Variants in WWOX observed in about 807,000 individuals in gnomAD.
WWOX encodes the protein WW domain-containing oxidoreductase.
A neutral mutation model predicts 46.2 loss-of-function variants in WWOX; 69 were observed. The observed-to-expected ratio is 1.49, with a 90% CI of 1.23 to 1.82. The LOEUF (loss-of-function observed/expected upper bound fraction) is 1.82. Ranked by LOEUF, WWOX falls within the 40% of genes most tolerant of loss-of-function variation. The probability of loss-of-function intolerance (pLI) is 0.00; values close to 1 mark genes in which losing one functional copy is unlikely to be tolerated. For synonymous variants in WWOX, 359 were observed against 202.6 expected, an observed-to-expected ratio of 1.77 and a Z score of -6.56; for missense variants, 919 against 542.6, an observed-to-expected ratio of 1.69 and a Z score of -6.89.
chr16:78,237,074 A>G (rs964874195), intron 5 of WWOX, among the ~76,000 whole-genome samples: 25 of 49,606 alleles, frequency 5.0e-4, no homozygotes, highest in Non-Finnish European at 4.8e-4. Context: ...ACTCCGTCTC[A>G]AAAAAAAAAA....
chr16:79,018,861 A>C (rs1260054435), intron 8 of WWOX, among the ~76,000 whole-genome samples: 6 of 152,036 alleles, frequency 3.9e-5, no homozygotes, highest in African/African-American at 1.4e-4. Flanking sequence ...ATACAAATTG[A>C]ATGTTAGGGC....
chr16:78,607,857 C>A (rs773017971), intron 8 of WWOX, among the ~76,000 whole-genome samples: 1 of 151,946 alleles, frequency 6.6e-6, no homozygotes, highest in Non-Finnish European at 1.5e-5. Context: ...ACAATAGGTA[C>A]CTGCAGGGCT....
rs2080878393 is a variant in WWOX, at chr16:78,335,892, G to C, written c.517-50968G>C. Among the ~76,000 whole-genome samples, 3 of 152,196 alleles carry C rather than the reference G, an allele frequency of 2.0e-5. No homozygotes were observed. The South Asian group carries it at 6.2e-4, about 32-fold the overall frequency. ...GGATCGCTTGAGGCCAGGAGTTTGA[G>C]ACCAGCCTTGCCAACATGGTGAAAC... On this transcript the variant is annotated intron_variant, in intron 5 of 8. Coordinates refer to ENST00000566780, the MANE Select transcript of WWOX (RefSeq NM_016373.4).
At chr16:78,351,154 T>C (rs1344122081) in intron 5 of WWOX, among the ~76,000 whole-genome samples, 1 of 152,210 alleles carries the variant, frequency 6.6e-6, no homozygotes, top group African/African-American at 2.4e-5. Flanking sequence ...CAGTGCAGTG[T>C]GTGCTTTTAG....
chr16:79,050,547 A>G (rs1248841902), intron 8 of WWOX, among the ~76,000 whole-genome samples: 1 of 152,212 alleles, frequency 6.6e-6, no homozygotes, highest in African/African-American at 2.4e-5. Context: ...GAGGGAGGAT[A>G]CTGCAGTCCC....
intron 8 of WWOX, among the ~76,000 whole-genome samples, chr16:78,444,841 G>C (rs767528394): frequency 6.6e-6 from 1 of 152,112 alleles, no homozygotes; most frequent in Admixed American, 6.5e-5. Flanking sequence ...ATGAGGAGCA[G>C]TTCTTTCAAT....
chr16:79,201,954 A>C (rs745543157), intron 8 of WWOX, among the ~76,000 whole-genome samples: 11 of 152,238 alleles, frequency 7.2e-5, no homozygotes, highest in Non-Finnish European at 1.3e-4. Context: ...CAAACACACA[A>C]GTTAAAAAGG....
At chr16:78,908,770 A>T (rs1233820235) in intron 8 of WWOX, among the ~76,000 whole-genome samples, 1 of 152,064 alleles carries the variant, frequency 6.6e-6, no homozygotes, top group Non-Finnish European at 1.5e-5. Flanking sequence ...GAGCCACAAG[A>T]CCATATGAGT....
intron 8 of WWOX, among the ~76,000 whole-genome samples, chr16:78,452,886 T>TATATATATATATA (rs1567582114): frequency 2.6e-5 from 4 of 151,060 alleles, no homozygotes; most frequent in African/African-American, 7.4e-5. Context: ...TATATACATA[T>TATATATATATATA]TTTTGAGAGG....
chr16:78,376,776 T>C (rs997340287), intron 5 of WWOX, among the ~76,000 whole-genome samples: 8 of 152,174 alleles, frequency 5.3e-5, no homozygotes, highest in African/African-American at 1.9e-4. Context: ...TGGCCTCTGG[T>C]TGAGAATCAG....
intron 8 of WWOX, among the ~76,000 whole-genome samples, chr16:79,079,982 G>A (rs2048730387): frequency 6.6e-6 from 1 of 152,070 alleles, no homozygotes; most frequent in Non-Finnish European, 1.5e-5. Flanking sequence ...TTATTCTACG[G>A]GTATTTGTTG....
intron 8 of WWOX, among the ~76,000 whole-genome samples, chr16:78,451,297 T>C (rs1371301762): frequency 6.6e-6 from 1 of 152,198 alleles, no homozygotes; most frequent in African/African-American, 2.4e-5. Context: ...CACTGTGATT[T>C]TCACTGAATG....
intron 8 of WWOX, among the ~76,000 whole-genome samples, chr16:79,088,162 T>A (rs1351014152): frequency 2.0e-5 from 3 of 152,174 alleles, no homozygotes; most frequent in African/African-American, 7.2e-5. Flanking sequence ...CCCCAGGCCA[T>A]GCCACTGGGC....
intron 5 of WWOX, among the ~76,000 whole-genome samples, chr16:78,348,883 A>G (rs1298840682): frequency 8.5e-6 from 1 of 118,310 alleles, no homozygotes; most frequent in East Asian, 1.9e-4. Context: ...GTGGTGATAC[A>G]TTAATGGAGG....
chr16:78,880,101 T>C (rs1318234435), intron 8 of WWOX, among the ~76,000 whole-genome samples: 2 of 152,166 alleles, frequency 1.3e-5, no homozygotes, highest in Non-Finnish European at 2.9e-5. Flanking sequence ...GTCAAACACT[T>C]ACATTTGTGA....
intron 8 of WWOX, among the ~76,000 whole-genome samples, chr16:78,652,796 C>A (rs899804627): frequency 2.7e-4 from 41 of 152,248 alleles, no homozygotes; most frequent in African/African-American, 8.9e-4. Context: ...ATATATTAGA[C>A]TGTGAATTTA....
chr16:78,426,151 T>A (rs1030079108), intron 7 of WWOX, among the ~76,000 whole-genome samples: 1 of 152,154 alleles, frequency 6.6e-6, no homozygotes, highest in African/African-American at 2.4e-5. Flanking sequence ...ACATGAAACA[T>A]CTAGTAATTA....
At chr16:78,163,028 G>C (rs948515241) in intron 4 of WWOX, among the ~76,000 whole-genome samples, 1 of 152,060 alleles carries the variant, frequency 6.6e-6, no homozygotes, top group Non-Finnish European at 1.5e-5. Flanking sequence ...TTGTCAGTCA[G>C]ACTTATTTTA....
rs1383102962 is a variant in WWOX at position 78,854,542 on chromosome 16, A to G, written c.1057-357066A>G. On this transcript the variant is annotated intron_variant, in intron 8 of 8. Transcript: ENST00000566780. Reference sequence around the variant, plus strand: ...ACCCCTGGAACATAAAAATTCCTCTATTGAGATTAACACCTAACGATACCT... The same window carrying G: ...ACCCCTGGAACATAAAAATTCCTCTGTTGAGATTAACACCTAACGATACCT... 2.6e-5 allele frequency among the ~76,000 whole-genome samples: 4 copies of G among 152,154 alleles called. No homozygotes were observed. In the East Asian group the frequency reaches 5.8e-4, roughly 22 times the overall value.
Sources: allele counts gnomAD v4.1 joint callset (sites outside exome capture counted in the v4.1 genomes callset), GRCh38; gene constraint gnomAD v4.1.1; transcripts MANE v1.5; gene names NCBI Gene and HGNC (gene_info 2026-07-23, HGNC 2026-07-21).